PTPRD: variants seen among roughly 807,000 people sequenced by gnomAD.
PTPRD encodes protein tyrosine phosphatase receptor type D, also known as receptor-type tyrosine-protein phosphatase delta.
A neutral mutation model predicts 214.5 loss-of-function variants in PTPRD; 34 were observed. That is an observed-to-expected ratio of 0.16 (90% CI 0.12 to 0.21). The LOEUF is 0.21. Ranked by LOEUF, PTPRD falls within the 10% of genes least tolerant of loss-of-function variation. PTPRD has a pLI of 1.00. For synonymous variants in PTPRD, 1,128 were observed against 845.7 expected (o/e 1.33, Z -5.79); for missense variants, 2,545 against 2,398.7 (o/e 1.06, Z -1.27).
At chr9:9,412,333 C>T (rs1587682014) in intron 8 of PTPRD, among the ~76,000 whole-genome samples, 1 of 152,104 alleles carries the variant, frequency 6.6e-6, no homozygotes, top group Non-Finnish European at 1.5e-5. Context: ...AACACCCATG[C>T]CTACTGAAAT....
intron 3 of PTPRD, among the ~76,000 whole-genome samples, chr9:10,171,502 ACTCAGT>A (rs2099205546): frequency 6.6e-6 from 1 of 151,894 alleles, no homozygotes; most frequent in South Asian, 2.1e-4. Flanking sequence ...TTTATAAATT[ACTCAGT>A]CTCTGGTATA....
chr9:10,446,555 T>C lies in PTPRD; in HGVS notation c.-599-105538A>G, dbSNP rs765805309. ...ATAGTATAGAAATACACTCTAGATT[T>C]TAAAAAATCATAAATGTGTTCTTTT... On this transcript the variant is annotated intron_variant, in intron 2 of 45. Transcript: ENST00000381196. Among the ~76,000 whole-genome samples the C allele has an allele frequency of 6.9e-4, 105 of 151,914 alleles. 3 individuals are homozygous for C. The highest frequency in any genetic ancestry group is 4.6e-4 in the Non-Finnish European group (31 of 67,934).
rs114976047 is a variant in PTPRD, at chr9:10,122,490, T to C, written c.-544-88700A>G. Among the ~76,000 whole-genome samples the C allele has an allele frequency of 4.3e-3, 661 of 152,090 alleles. 5 individuals are homozygous for C. The highest frequency in any genetic ancestry group is 0.015 in the African/African-American group (635 of 41,494). On this transcript the variant is annotated intron_variant, in intron 3 of 45. Transcript: ENST00000381196. ...AGATGTTTAATTAAGGACAATTGGA[T>C]GCAGAGAAAGACTGGAAGGTTATGA...
At chr9:9,974,553 C>T (rs1411596851) in intron 4 of PTPRD, among the ~76,000 whole-genome samples, 1 of 152,060 alleles carries the variant, frequency 6.6e-6, no homozygotes, top group South Asian at 2.1e-4. Context: ...TTAAATAAAC[C>T]TCCACTTAAT....
At chr9:8,328,920 A>T (rs946935949) in intron 44 of PTPRD, among the ~76,000 whole-genome samples, 2 of 150,522 alleles carry the variant, frequency 1.3e-5, no homozygotes, top group African/African-American at 4.9e-5. Flanking sequence ...TCTAGTTAGC[A>T]ATTCCTCTAA....
intron 11 of PTPRD, among the ~76,000 whole-genome samples, chr9:9,008,829 TTA>T (rs1176981794): frequency 1.3e-5 from 2 of 152,170 alleles, no homozygotes; most frequent in Non-Finnish European, 2.9e-5. Context: ...TTGTAAAACC[TTA>T]TGTTTTTCCT....
intron 12 of PTPRD, among the ~76,000 whole-genome samples, chr9:8,710,675 C>T (rs1037197859): frequency 1.2e-4 from 18 of 151,858 alleles, no homozygotes; most frequent in African/African-American, 4.1e-4. Flanking sequence ...CAAAAATGTG[C>T]CCTTTCATAA....
At chr9:9,586,731 A>C (rs1487642745) in intron 7 of PTPRD, among the ~76,000 whole-genome samples, 2 of 152,030 alleles carry the variant, frequency 1.3e-5, no homozygotes, top group African/African-American at 4.8e-5. Context: ...CTAAATTTTT[A>C]GTCCTGTGTA....
At chr9:8,733,676 T>C in intron 12 of PTPRD, 104 bp downstream of exon 12, 1 of 1,213,344 alleles carries the variant, frequency 8.2e-7, no homozygotes, top group Non-Finnish European at 1.2e-6. Context: ...TCTCAGGATT[T>C]ACTTCCAAAG....
intron 34 of PTPRD, among the ~76,000 whole-genome samples, chr9:8,443,583 A>T (rs143691149): frequency 6.6e-6 from 1 of 152,334 alleles, no homozygotes; most frequent in African/African-American, 2.4e-5. Flanking sequence ...AATGAAAATG[A>T]GGTCTTTGTG....
chr9:9,262,934 G>T (rs769721190), intron 9 of PTPRD, among the ~76,000 whole-genome samples: 6 of 151,550 alleles, frequency 4.0e-5, no homozygotes, highest in Non-Finnish European at 7.4e-5. Context: ...CAATTTTGGT[G>T]TCATAAACGT....
chr9:9,337,617 C>T (rs1299563978), intron 9 of PTPRD, among the ~76,000 whole-genome samples: 1 of 152,118 alleles, frequency 6.6e-6, no homozygotes, highest in African/African-American at 2.4e-5. Context: ...CCTGACAAAT[C>T]GCATACGTGA....
At chr9:8,459,292 T>G (rs2096308577) in intron 33 of PTPRD, among the ~76,000 whole-genome samples, 1 of 152,048 alleles carries the variant, frequency 6.6e-6, no homozygotes, top group Admixed American at 6.6e-5. Context: ...AGGCCAAGGT[T>G]AGGGACAGGG....
At chr9:8,725,406 G>T (rs1008616253) in intron 12 of PTPRD, among the ~76,000 whole-genome samples, 5 of 152,138 alleles carry the variant, frequency 3.3e-5, no homozygotes, top group African/African-American at 1.2e-4. Flanking sequence ...CGGGAAATGT[G>T]TCCAATAAAC....
chr9:9,149,948 G>A (rs10816051), intron 10 of PTPRD, among the ~76,000 whole-genome samples: 106,506 of 152,018 alleles, frequency 0.7, 37,543 homozygotes, highest in African/African-American at 0.75. Flanking sequence ...AAACTCTGGT[G>A]AAACTAAGTA....
intron 8 of PTPRD, among the ~76,000 whole-genome samples, chr9:9,468,339 T>A (rs1388668308): frequency 3.3e-5 from 5 of 152,130 alleles, no homozygotes; most frequent in African/African-American, 1.2e-4. Context: ...ATGAAATACA[T>A]ACATTTCAAA....
At position 8,471,552 on chromosome 9, in the gene PTPRD, C is replaced by T. The variant is rs775227614; in HGVS notation, c.3414-467G>A. 3.9e-5 allele frequency among the ~76,000 whole-genome samples: 6 copies of T among 152,184 alleles called. No homozygotes were observed. In the East Asian group the frequency reaches 1.2e-3, roughly 29 times the overall value. ...CTGTTGTTTATACAAACCTAAAATG[C>T]TTTTTATTTGAATTAAAAATTTTTA... On this transcript the variant is annotated intron_variant, in intron 30 of 45. Coordinates refer to ENST00000381196, the MANE Select transcript of PTPRD (RefSeq NM_002839.4).
intron 12 of PTPRD, among the ~76,000 whole-genome samples, chr9:8,642,340 A>AT (rs1245036580): frequency 6.6e-6 from 1 of 152,248 alleles, no homozygotes. Context: ...CTTTTAACTG[A>AT]TTAACATTTC....
rs561131776 is a variant in PTPRD at position 10,586,639 on chromosome 9, T to C, written c.-600+25759A>G. On this transcript the variant is annotated intron_variant, in intron 2 of 45. Transcript: ENST00000381196. ...TCAGGTTTGCTTGCGGGCATAAGAC[T>C]TTCTCAGAAAGTAAAATGAAGCAAT... is the stretch of plus-strand genomic sequence containing the variant. 2.0e-5 allele frequency among the ~76,000 whole-genome samples: 3 copies of C among 152,236 alleles called. No individual in the cohort carries two copies. The South Asian group carries it at 6.2e-4, about 32-fold the overall frequency.
Sources: gnomAD v4.1 joint callset for allele counts (sites outside exome capture counted in the v4.1 genomes callset) on GRCh38, gnomAD v4.1.1 for gene constraint, MANE v1.5 for transcripts, NCBI Gene and HGNC (gene_info 2026-07-23, HGNC 2026-07-21) for gene names.